The following SDCCAG8 variants were observed in gnomAD, a reference collection of about 807,000 sequenced individuals.
SDCCAG8 encodes SHH signaling and ciliogenesis regulator SDCCAG8, also known as serologically defined colon cancer antigen 8.
In SDCCAG8, 74 loss-of-function variants were observed where a neutral mutation model predicts 101.8. The ratio of observed to expected loss-of-function variants is 0.73; its 90% CI spans 0.60 to 0.88. SDCCAG8 has a LOEUF of 0.88. SDCCAG8 is among the 40% of genes least tolerant of loss of function. The probability of loss-of-function intolerance (pLI) is 0.00; values close to 1 mark genes in which losing one functional copy is unlikely to be tolerated. For missense variants in SDCCAG8, 787 were observed against 822.6 expected, an observed-to-expected ratio of 0.96 and a Z score of 0.53; for synonymous variants, 281 against 292.9, an observed-to-expected ratio of 0.96 and a Z score of 0.41.
chr1:243,282,395 A>G (rs1410559027), intron 4 of SDCCAG8, among the ~76,000 whole-genome samples: 6 of 152,178 alleles, frequency 3.9e-5, no homozygotes. Flanking sequence ...AGTTATTCAT[A>G]AACTAAAATT....
At chr1:243,326,954 A>G (rs766005167) in intron 9 of SDCCAG8, among the ~76,000 whole-genome samples, 1 of 152,204 alleles carries the variant, frequency 6.6e-6, no homozygotes, top group African/African-American at 2.4e-5. Flanking sequence ...ATCAAGTCCA[A>G]TAAACTGTGT....
chr1:243,480,739 G>A (rs1277092684), intron 16 of SDCCAG8, among the ~76,000 whole-genome samples: 2 of 121,970 alleles, frequency 1.6e-5, no homozygotes, highest in East Asian at 6.0e-4. Context: ...GATGAATGGG[G>A]GATGGATGGA....
chr1:243,452,619 G>T (rs939442529), intron 16 of SDCCAG8, among the ~76,000 whole-genome samples: 3 of 151,376 alleles, frequency 2.0e-5, no homozygotes, highest in Non-Finnish European at 4.4e-5. Flanking sequence ...TAGAAATGGG[G>T]TCCCACTGTG....
At chr1:243,486,096 G>A (rs1664741189) in intron 16 of SDCCAG8, among the ~76,000 whole-genome samples, 1 of 148,874 alleles carries the variant, frequency 6.7e-6, no homozygotes, top group Admixed American at 6.8e-5. Context: ...ACTCTACTCG[G>A]GAGGCTGAGA....
intron 13 of SDCCAG8, among the ~76,000 whole-genome samples, chr1:243,391,292 A>G (rs1358404828): frequency 1.3e-5 from 2 of 152,236 alleles, no homozygotes; most frequent in Admixed American, 6.5e-5. Flanking sequence ...GGGAATATTC[A>G]GTCTCCTCAG....
chr1:243,496,931 G>T (rs1401423970), intron 17 of SDCCAG8, among the ~76,000 whole-genome samples: 1 of 152,228 alleles, frequency 6.6e-6, no homozygotes, highest in Non-Finnish European at 1.5e-5. Context: ...AGCACGGCAG[G>T]GGAGCAGTGG....
intron 5 of SDCCAG8, among the ~76,000 whole-genome samples, chr1:243,287,804 A>T (rs2149287603): frequency 6.6e-6 from 1 of 152,344 alleles, no homozygotes; most frequent in South Asian, 2.1e-4. Flanking sequence ...CTCAGTATTT[A>T]TGTAATGCCA....
intron 1 of SDCCAG8, chr1:243,267,995 G>A: frequency 2.6e-6 from 2 of 780,188 alleles, no homozygotes; most frequent in South Asian, 1.3e-5. Flanking sequence ...TTCCTTTAAC[G>A]CGCTGGGATC....
chr1:243,386,484 G>C (rs571251502), intron 13 of SDCCAG8, among the ~76,000 whole-genome samples: 1 of 152,008 alleles, frequency 6.6e-6, no homozygotes, highest in African/African-American at 2.4e-5. Context: ...GGCAGATCGC[G>C]AGAGGTCAGG....
At position 243,478,956 on chromosome 1, in the gene SDCCAG8, C is replaced by CA. The variant is rs148382740; in HGVS notation, c.1986-10037dup. Among the ~76,000 whole-genome samples the CA allele has an allele frequency of 4.6e-3, 437 of 94,616 alleles. 3 individuals carry two copies. Among genetic ancestry groups the CA allele is most frequent in the African/African-American group, 0.012 (274 of 23,002 alleles). 62.1% of individuals were successfully genotyped at this position (94,616 alleles called of 152,430 possible). ...CTGGCCACAGAGTGAGACTCTGTCT[C>CA]AAAAAAAAAAAAAAAAAAAAAGAAA... On this transcript the variant is annotated intron_variant, in intron 16 of 17. Transcript: ENST00000366541.
At chr1:243,303,242 G>A (rs2071717931) in intron 6 of SDCCAG8, among the ~76,000 whole-genome samples, 3 of 152,238 alleles carry the variant, frequency 2.0e-5, no homozygotes, top group Admixed American at 2.0e-4. Context: ...TAATCTGGCA[G>A]AAGGGTTCTG....
chr1:243,347,104 T>A (rs2075763746), intron 12 of SDCCAG8, among the ~76,000 whole-genome samples: 1 of 152,144 alleles, frequency 6.6e-6, no homozygotes, highest in African/African-American at 2.4e-5. Context: ...TTCTCTCTAC[T>A]TCTGTCCTCA....
At chr1:243,428,277 G>C (rs2081477150) in intron 16 of SDCCAG8, among the ~76,000 whole-genome samples, 2 of 152,106 alleles carry the variant, frequency 1.3e-5, no homozygotes, top group Non-Finnish European at 2.9e-5. Flanking sequence ...ATTCAACATT[G>C]ATTGATTGAT....
intron 10 of SDCCAG8, among the ~76,000 whole-genome samples, chr1:243,337,631 A>G (rs1429884130): frequency 6.6e-6 from 1 of 152,244 alleles, no homozygotes; most frequent in Non-Finnish European, 1.5e-5. Context: ...TAATACATCA[A>G]GAATTGATAG....
chr1:243,495,165 C>T (rs2148300763), intron 17 of SDCCAG8, among the ~76,000 whole-genome samples: 1 of 152,344 alleles, frequency 6.6e-6, no homozygotes, highest in East Asian at 1.9e-4. Context: ...TGGGTGCGCC[C>T]TGGGGAGGAC....
chr1:243,330,720 A>G (rs1194806973), intron 10 of SDCCAG8, 28 bp downstream of exon 10: 1 of 1,613,248 alleles, frequency 6.2e-7, no homozygotes. Context: ...TGTTATCCAC[A>G]TTGCAGAAGA....
In SDCCAG8 at chr1:243,416,944, T is replaced by G. The variant is rs1181041100; in HGVS notation, c.1745-1024T>G. ...AAAAGAAATAAAGGCCTCTTAAAAC[T>G]TATGCTTAGAGGTAATTTTCATATG... is the stretch of plus-strand genomic sequence containing the variant. On this transcript the variant is annotated intron_variant, in intron 14 of 17. Coordinates refer to ENST00000366541, the MANE Select transcript of SDCCAG8 (RefSeq NM_006642.5). This position sits in a 1 kb window ranked among gnomAD's most constrained non-coding sequence, Gnocchi z 4.3. Among the ~76,000 whole-genome samples, 1 of 152,216 alleles carries G rather than the reference T, an allele frequency of 6.6e-6. No individual in the cohort carries two copies. Among genetic ancestry groups the G allele is most frequent in the Non-Finnish European group, 1.5e-5 (1 of 68,038 alleles).
intron 4 of SDCCAG8, among the ~76,000 whole-genome samples, chr1:243,275,021 G>C (rs978511658): frequency 1.3e-5 from 2 of 152,226 alleles, no homozygotes; most frequent in Non-Finnish European, 2.9e-5. Flanking sequence ...TACTGGAGCA[G>C]TGGTACAGCA....
chr1:243,333,293 G>A (rs999481035), intron 10 of SDCCAG8, among the ~76,000 whole-genome samples: 1 of 152,164 alleles, frequency 6.6e-6, no homozygotes, highest in African/African-American at 2.4e-5. Context: ...AATATTTTCA[G>A]ATGTCTCTTA....
Sources: allele counts gnomAD v4.1 joint callset (sites outside exome capture counted in the v4.1 genomes callset), GRCh38; gene constraint gnomAD v4.1.1; non-coding constraint Gnocchi (gnomAD v3.1); transcripts MANE v1.5; gene names NCBI Gene and HGNC (gene_info 2026-07-23, HGNC 2026-07-21).